CFHR3: variants seen among roughly 807,000 people sequenced by gnomAD.
CFHR3 encodes complement factor H related 3, also known as complement factor H-related protein 3.
A neutral mutation model predicts 36.0 loss-of-function variants in CFHR3; 22 were observed. The ratio of observed to expected loss-of-function variants is 0.61; its 90% CI spans 0.44 to 0.87. The LOEUF is 0.87. CFHR3 is among the 40% of genes least tolerant of loss of function. CFHR3 has a pLI of 0.00. For synonymous variants in CFHR3, 97 were observed against 137.4 expected (o/e 0.71, Z 2.06); for missense variants, 276 against 401.3 (o/e 0.69, Z 2.67).
chr1:196,793,794 GCTTT>G lies in CFHR3; in HGVS notation c.*284_*287del, dbSNP rs1654505752. 2.1e-5 allele frequency: 6 copies of G among 281,428 alleles called. 1 individual carries two copies. Among genetic ancestry groups the G allele is most frequent in the South Asian group, 1.3e-4 (3 of 23,136 alleles). 17.4% of individuals were successfully genotyped at this position (281,428 alleles called of 1,614,324 possible). The stretch of plus-strand genomic sequence containing the variant: ...AAGTATAGAGACAGACAGCTGAATG[GCTTT>G]CTGCATATTGTATAGTATACCTAGA... On this transcript the variant is annotated 3_prime_UTR_variant, in exon 6 of 6. Transcript: ENST00000367425.
At chr1:196,781,420 G>A (rs1444167194) in intron 3 of CFHR3, among the ~76,000 whole-genome samples, 1 of 134,772 alleles carries the variant, frequency 7.4e-6, no homozygotes, top group Non-Finnish European at 1.6e-5. Context: ...TCCCACCAAT[G>A]GTGTAAAAGT....
rs1176186486 is a variant in CFHR3, at chr1:196,776,580, C to T, written c.58+1636C>T. 4.4e-5 allele frequency among the ~76,000 whole-genome samples: 6 copies of T among 135,700 alleles called. 3 individuals are homozygous for T. Among genetic ancestry groups the T allele is most frequent in the African/African-American group, 1.9e-4 (6 of 32,234 alleles). The allele number at this position is 135,700 out of a possible 152,430, so 89.0% of individuals were successfully genotyped here. On this transcript the variant is annotated intron_variant, in intron 1 of 5. Transcript: ENST00000367425. ...ATAAGAAGAGAAAATAAGAACACACCGTATAGGGAAAGATCACGCAAGGCA... is the reference window on the plus strand; with the variant it reads ...ATAAGAAGAGAAAATAAGAACACACTGTATAGGGAAAGATCACGCAAGGCA...
intron 3 of CFHR3, among the ~76,000 whole-genome samples, chr1:196,784,363 AC>A (rs1654098091): frequency 7.4e-6 from 1 of 134,808 alleles, no homozygotes; most frequent in Non-Finnish European, 1.6e-5. Flanking sequence ...ATCCTTGTTG[AC>A]TTTCCATCTC....
chr1:196,783,875 G>T lies in CFHR3; in HGVS notation c.430+3902G>T, dbSNP rs541949537. 3.7e-4 allele frequency among the ~76,000 whole-genome samples: 50 copies of T among 134,868 alleles called. 5 individuals carry two copies. Among genetic ancestry groups the T allele is most frequent in the Non-Finnish European group, 5.3e-4 (34 of 64,040 alleles). 88.5% of individuals were successfully genotyped at this position (134,868 alleles called of 152,430 possible). ...GAATGTGTTTGCTCTTGCTTTTCTAGTTCTTTTAATTGTGATGTTAGGGTG... is the reference window on the plus strand; with the variant it reads ...GAATGTGTTTGCTCTTGCTTTTCTATTTCTTTTAATTGTGATGTTAGGGTG... On this transcript the variant is annotated intron_variant, in intron 3 of 5. Coordinates refer to ENST00000367425, the MANE Select transcript of CFHR3 (RefSeq NM_021023.6).
intron 1 of CFHR3, among the ~76,000 whole-genome samples, chr1:196,777,991 A>T (rs2124839481): frequency 7.5e-6 from 1 of 133,530 alleles, no homozygotes; most frequent in South Asian, 2.6e-4. Flanking sequence ...TTAAAAAAAA[A>T]AAAAAAAAAA....
At chr1:196,783,222 T>G (rs1420098932) in intron 3 of CFHR3, among the ~76,000 whole-genome samples, 1 of 137,094 alleles carries the variant, frequency 7.3e-6, no homozygotes, top group Non-Finnish European at 1.5e-5. Flanking sequence ...TTATTGAGGA[T>G]TTTTGTATCA....
At position 196,779,200 on chromosome 1, in the gene CFHR3, CTATTTCA is replaced by C. The variant is rs770559507; in HGVS notation, c.99_105del (p.Phe34ArgfsTer10). Reference sequence around the variant, plus strand: ...TTTTCCAGACATTAAACATGGAGGTCTATTTCATGAGAATATGCGTAGACCATACTTT... The same window carrying C: ...TTTTCCAGACATTAAACATGGAGGTCTGAGAATATGCGTAGACCATACTTT... On this transcript the variant is annotated frameshift_variant, in exon 2 of 6. Transcript: ENST00000367425. LOFTEE classifies it high-confidence loss of function. The C allele has an allele frequency of 9.7e-5, 149 of 1,530,002 alleles. 29 individuals carry two copies. Among genetic ancestry groups the C allele is most frequent in the Non-Finnish European group, 1.3e-4 (143 of 1,130,626 alleles). 94.8% of individuals were successfully genotyped at this position (1,530,002 alleles called of 1,614,324 possible).
chr1:196,779,079 G>C, intron 1 of CFHR3, 83 bp from the exon 2 acceptor site: 1 of 1,070,198 alleles, frequency 9.3e-7, no homozygotes, highest in Non-Finnish European at 1.3e-6. Context: ...ATGTTTGAGA[G>C]AAGGTGATAT....
intron 5 of CFHR3, among the ~76,000 whole-genome samples, chr1:196,792,301 T>C (rs1407347432): frequency 8.9e-6 from 1 of 112,502 alleles, no homozygotes; most frequent in Non-Finnish European, 1.7e-5. Flanking sequence ...GAAATGCTAA[T>C]GCTAATAAGG....
chr1:196,777,818 C>G (rs1464460350), intron 1 of CFHR3, among the ~76,000 whole-genome samples: 1 of 132,710 alleles, frequency 7.5e-6, no homozygotes, highest in Non-Finnish European at 1.6e-5. Context: ...GGAACGCTGT[C>G]TCTACTAACA....
rs768450447 is a variant in CFHR3 at position 196,774,991 on chromosome 1, C to T, written c.58+47C>T. 2.9e-6 allele frequency: 4 copies of T among 1,376,022 alleles called. 1 individual carries two copies. Among genetic ancestry groups the T allele is most frequent in the Middle Eastern group, 2.0e-4 (1 of 4,926 alleles). 85.2% of individuals were successfully genotyped at this position (1,376,022 alleles called of 1,614,324 possible). On this transcript the variant is annotated intron_variant, in intron 1 of 5. Coordinates refer to ENST00000367425, the MANE Select transcript of CFHR3 (RefSeq NM_021023.6). ...CACTCAGCTTCCCTCTTAAATGTAA[C>T]TTCATGTAATATCTAGCTTTGTATG...
At chr1:196,775,022 A>G in intron 1 of CFHR3, 78 bp downstream of exon 1, 1 of 1,199,306 alleles carries the variant, frequency 8.3e-7, no homozygotes, top group East Asian at 2.3e-5. Flanking sequence ...GTATGTCTAT[A>G]ATTATTTTAT....
intron 1 of CFHR3, 25 bp downstream of exon 1, chr1:196,774,969 T>C (rs1440371876): frequency 6.8e-6 from 10 of 1,479,618 alleles, no homozygotes; most frequent in South Asian, 1.3e-5. Context: ...ATCTAAACAC[T>C]CAGCTTCCCT....
At chr1:196,779,706 T>C in intron 2 of CFHR3, 91 bp from the exon 3 acceptor site, 1 of 1,383,846 alleles carries the variant, frequency 7.2e-7, no homozygotes, top group Non-Finnish European at 9.6e-7. Context: ...TGCGATCTTA[T>C]TTAAATATGG....
rs1397605401 is a variant in CFHR3 at position 196,775,739 on chromosome 1, A to T, written c.58+795A>T. On this transcript the variant is annotated intron_variant, in intron 1 of 5. Transcript: ENST00000367425. ...ATTAGCAGTGGAACCACATGGGTCA[A>T]AAATCATGGACAATCAAGGGTGTGT... Among the ~76,000 whole-genome samples the T allele has an allele frequency of 1.5e-5, 2 of 137,156 alleles. 1 individual carries two copies. The highest frequency in any genetic ancestry group is 6.1e-5 in the African/African-American group (2 of 32,970). 90.0% of individuals were successfully genotyped at this position (137,156 alleles called of 152,430 possible). A position where few individuals can be genotyped will look rare whatever the true frequency, so the allele number is the denominator to read the frequency against.
chr1:196,795,046 C>T lies in CFHR3; in HGVS notation c.*1533C>T, dbSNP rs189485448. The T allele has an allele frequency of 7.3e-6, 1 of 136,518 alleles. No individual in the cohort carries two copies. The highest frequency in any genetic ancestry group is 2.0e-4 in the East Asian group (1 of 5,108). 8.5% of individuals were successfully genotyped at this position (136,518 alleles called of 1,614,324 possible). On this transcript the variant is annotated 3_prime_UTR_variant, in exon 6 of 6. Transcript: ENST00000367425. ...AAGTAAAAAATTGTTTTATTAATTCCAGTGACTAATTCTACTTCATCAACA... is the reference window on the plus strand; with the variant it reads ...AAGTAAAAAATTGTTTTATTAATTCTAGTGACTAATTCTACTTCATCAACA...
In CFHR3 at chr1:196,775,892, G is replaced by A. The variant is rs1214444197; in HGVS notation, c.58+948G>A. 7.3e-5 allele frequency among the ~76,000 whole-genome samples: 10 copies of A among 136,318 alleles called. 2 individuals are homozygous for A. The highest frequency in any genetic ancestry group is 2.1e-4 in the Admixed American group (3 of 14,122). 89.4% of individuals were successfully genotyped at this position (136,318 alleles called of 152,430 possible). On this transcript the variant is annotated intron_variant, in intron 1 of 5. Transcript: ENST00000367425. Reference sequence around the variant, plus strand: ...CTATCTTTTCCCTCAACCACTCTTCGCGAAGCTATGCCACTTTATTTGATT... The same window carrying A: ...CTATCTTTTCCCTCAACCACTCTTCACGAAGCTATGCCACTTTATTTGATT...
chr1:196,774,999 A>G, intron 1 of CFHR3, 55 bp downstream of exon 1: 1 of 1,326,352 alleles, frequency 7.5e-7, no homozygotes, highest in Non-Finnish European at 1.1e-6. Flanking sequence ...AACTTCATGT[A>G]ATATCTAGCT....
At chr1:196,779,716 G>A (rs1383253643) in intron 2 of CFHR3, 81 bp from the exon 3 acceptor site, 1 of 1,394,456 alleles carries the variant, frequency 7.2e-7, no homozygotes, top group East Asian at 2.5e-5. Flanking sequence ...TTTAAATATG[G>A]TAACAATAAT....
Sources: allele counts gnomAD v4.1 joint callset (sites outside exome capture counted in the v4.1 genomes callset), GRCh38; gene constraint gnomAD v4.1.1; transcripts MANE v1.5; gene names NCBI Gene and HGNC (gene_info 2026-07-23, HGNC 2026-07-21).